The following NTM variants were observed in gnomAD, a reference collection of about 807,000 sequenced individuals.
The protein encoded by NTM is IgLON family member 2.
Under a neutral mutation model 42.1 loss-of-function variants are expected in NTM, and 13 were observed. The ratio of observed to expected loss-of-function variants is 0.31; its 90% CI spans 0.20 to 0.49. The LOEUF is 0.49. NTM is among the 20% of genes least tolerant of loss of function. The pLI, the probability that NTM is intolerant of heterozygous loss-of-function variation, is 0.99. For missense variants in NTM, 373 were observed against 452.8 expected, an observed-to-expected ratio of 0.82 and a Z score of 1.60; for synonymous variants, 187 against 179.2, an observed-to-expected ratio of 1.04 and a Z score of -0.35.
intron 7 of NTM, among the ~76,000 whole-genome samples, chr11:132,320,976 G>A (rs1003624216): frequency 2.0e-5 from 3 of 150,650 alleles, no homozygotes; most frequent in African/African-American, 7.5e-5. Flanking sequence ...CTGTCTGTTA[G>A]AAGGAAAACT....
intron 1 of NTM, among the ~76,000 whole-genome samples, chr11:131,699,489 A>C (rs960285017): frequency 6.6e-6 from 1 of 152,204 alleles, no homozygotes; most frequent in African/African-American, 2.4e-5. Flanking sequence ...TCTGTAGGAC[A>C]TTCATATAGA....
chr11:131,817,721 C>G (rs886315959), intron 1 of NTM, among the ~76,000 whole-genome samples: 2 of 152,244 alleles, frequency 1.3e-5, no homozygotes, highest in East Asian at 3.9e-4. Context: ...TTCCACCCCT[C>G]TGGTCCTACC....
At chr11:132,224,668 T>C (rs1157228412) in intron 4 of NTM, among the ~76,000 whole-genome samples, 2 of 152,178 alleles carry the variant, frequency 1.3e-5, no homozygotes, top group Admixed American at 6.5e-5. Context: ...AGGCCAAGTC[T>C]TCCTGTGGTC....
intron 3 of NTM, among the ~76,000 whole-genome samples, chr11:132,155,805 G>A (rs549580196): frequency 5.9e-5 from 9 of 152,302 alleles, no homozygotes; most frequent in Admixed American, 4.6e-4. Context: ...ACCATCATGT[G>A]TCAAGTCCTG....
chr11:131,830,054 A>G (rs2042621944), intron 1 of NTM, among the ~76,000 whole-genome samples: 1 of 152,078 alleles, frequency 6.6e-6, no homozygotes. Context: ...CAAATTGTTC[A>G]AGTTTATTAT....
chr11:131,451,049 A>G (rs1030728508), intron 1 of NTM, among the ~76,000 whole-genome samples: 5 of 152,218 alleles, frequency 3.3e-5, no homozygotes, highest in Non-Finnish European at 5.9e-5. Flanking sequence ...TTAACCATTT[A>G]AAAGAATCTT....
intron 3 of NTM, among the ~76,000 whole-genome samples, chr11:132,194,814 CTTT>C (rs902871492): frequency 7.0e-4 from 78 of 110,640 alleles, no homozygotes; most frequent in East Asian, 1.3e-3. Flanking sequence ...GCATTTCTTC[CTTT>C]TTTTTTTTTT....
chr11:132,230,683 G>T (rs2087353069), intron 4 of NTM, among the ~76,000 whole-genome samples: 1 of 152,206 alleles, frequency 6.6e-6, no homozygotes, highest in African/African-American at 2.4e-5. Context: ...TTGTTGTAAG[G>T]ATTATATGAG....
intron 2 of NTM, among the ~76,000 whole-genome samples, chr11:131,915,184 T>G (rs1264762312): frequency 6.6e-6 from 1 of 152,196 alleles, no homozygotes; most frequent in African/African-American, 2.4e-5. Flanking sequence ...TGAAATCACA[T>G]AAGCAGCCAG....
At chr11:132,077,464 G>T (rs1427140224) in intron 2 of NTM, among the ~76,000 whole-genome samples, 3 of 152,198 alleles carry the variant, frequency 2.0e-5, no homozygotes, top group African/African-American at 7.2e-5. Context: ...TGAGCCCTTA[G>T]AAGCCAGGAA....
intron 1 of NTM, among the ~76,000 whole-genome samples, chr11:131,806,407 G>A (rs1052535059): frequency 6.6e-5 from 10 of 152,178 alleles, no homozygotes; most frequent in African/African-American, 2.2e-4. Flanking sequence ...AAAAGCTCAT[G>A]TGAGCCTCTC....
At chr11:132,195,103 G>A (rs1274072052) in intron 3 of NTM, among the ~76,000 whole-genome samples, 1 of 151,950 alleles carries the variant, frequency 6.6e-6, no homozygotes, top group African/African-American at 2.4e-5. Flanking sequence ...GATTACAAGT[G>A]TGAGCCACTG....
In NTM at chr11:132,181,318, A is replaced by G. The variant is rs1203301984; in HGVS notation, c.401-30704A>G. On this transcript the variant is annotated intron_variant, in intron 3 of 8. Coordinates refer to ENST00000683400, the MANE Select transcript of NTM (RefSeq NM_001352005.2). ...TTTTATGTTTTTCCTAGGTGATGCT[A>G]CTCCATCATGGCATCAGCATGAAGA... 2.0e-5 allele frequency among the ~76,000 whole-genome samples: 3 copies of G among 151,962 alleles called. No homozygotes were observed. The East Asian group carries it at 5.8e-4, about 29-fold the overall frequency.
chr11:132,164,213 C>A, intron 3 of NTM, among the ~76,000 whole-genome samples: 1 of 152,106 alleles, frequency 6.6e-6, no homozygotes, highest in East Asian at 1.9e-4. Flanking sequence ...TTTATGTGTT[C>A]TCTGGCTTTG....
intron 4 of NTM, among the ~76,000 whole-genome samples, chr11:132,292,904 G>A (rs566114791): frequency 6.6e-6 from 1 of 151,768 alleles, no homozygotes; most frequent in Admixed American, 6.6e-5. Context: ...AAAAAGGTAG[G>A]AAGTTATGGA....
intron 1 of NTM, among the ~76,000 whole-genome samples, chr11:131,523,408 TAGC>T (rs1355922242): frequency 1.3e-5 from 2 of 152,178 alleles, no homozygotes; most frequent in East Asian, 1.9e-4. Flanking sequence ...ATGGTAAAGA[TAGC>T]AGTCAGAATT....
chr11:131,615,595 C>A (rs2061849299), intron 1 of NTM, among the ~76,000 whole-genome samples: 1 of 152,098 alleles, frequency 6.6e-6, no homozygotes, highest in African/African-American at 2.4e-5. Flanking sequence ...GTCTCAAACT[C>A]CTGACCTCAA....
At chr11:131,464,086 GA>G (rs1369981297) in intron 1 of NTM, among the ~76,000 whole-genome samples, 2 of 152,282 alleles carry the variant, frequency 1.3e-5, no homozygotes, top group Admixed American at 1.3e-4. Flanking sequence ...TCTCTCTGGA[GA>G]TTGTGGATGA....
intron 3 of NTM, among the ~76,000 whole-genome samples, chr11:132,186,945 G>C (rs1351857562): frequency 6.6e-6 from 1 of 152,118 alleles, no homozygotes; most frequent in African/African-American, 2.4e-5. Context: ...TTTCAGAGGG[G>C]GTTTGTGGCA....
Sources: gnomAD v4.1 joint callset for allele counts (sites outside exome capture counted in the v4.1 genomes callset) on GRCh38, gnomAD v4.1.1 for gene constraint, MANE v1.5 for transcripts, NCBI Gene and HGNC (gene_info 2026-07-23, HGNC 2026-07-21) for gene names.